The following TTLL5 variants were observed in gnomAD, a reference collection of about 807,000 sequenced individuals.
TTLL5 encodes tubulin polyglutamylase TTLL5.
Under a neutral mutation model 168.4 loss-of-function variants are expected in TTLL5, and 132 were observed. The observed-to-expected ratio is 0.78, with a 90% CI of 0.68 to 0.91. TTLL5 has a LOEUF of 0.91. TTLL5 is among the 40% of genes least tolerant of loss of function. TTLL5 has a pLI of 0.00. For missense variants in TTLL5, 1,545 were observed against 1,581.5 expected (o/e 0.98, Z 0.39); for synonymous variants, 546 against 558.6 (o/e 0.98, Z 0.32).
chr14:75,919,161 A>G (rs2033727472), intron 31 of TTLL5, among the ~76,000 whole-genome samples: 1 of 130,598 alleles, frequency 7.7e-6, no homozygotes, highest in Admixed American at 9.6e-5. Context: ...AGATCACGCC[A>G]CTGCACTCCA....
At chr14:75,792,008 A>C (rs1318467752) in intron 26 of TTLL5, among the ~76,000 whole-genome samples, 4 of 151,960 alleles carry the variant, frequency 2.6e-5, no homozygotes, top group Non-Finnish European at 5.9e-5. Flanking sequence ...TCCTGGGCTT[A>C]AGCAATCCTC....
intron 31 of TTLL5, among the ~76,000 whole-genome samples, chr14:75,928,342 C>CATATATGTATATATATATATATAT (rs2034146879): frequency 2.4e-5 from 2 of 81,970 alleles, no homozygotes; most frequent in East Asian, 8.2e-4. Flanking sequence ...ATGACAAAAA[C>CATATATGTATATATATATATATAT]ATATATATAT....
chr14:75,661,336 C>G lies in TTLL5; in HGVS notation c.-147C>G, dbSNP rs1044178090. ...CCTGGGGAAGGAGGAGGGAGGTAGG[C>G]GCAGAGCGCGGTCCACGCCTGCTCG... On this transcript the variant is annotated 5_prime_UTR_variant, in exon 1 of 32. Transcript: ENST00000298832. 2.0e-5 allele frequency: 3 copies of G among 152,238 alleles called. No individual in the cohort carries two copies. Among genetic ancestry groups the G allele is most frequent in the Non-Finnish European group, 4.4e-5 (3 of 68,076 alleles). The allele number at this position is 152,238 out of a possible 1,614,324, so 9.4% of individuals were successfully genotyped here.
At chr14:75,850,133 A>T (rs1301055873) in intron 28 of TTLL5, among the ~76,000 whole-genome samples, 1 of 151,842 alleles carries the variant, frequency 6.6e-6, no homozygotes, top group Non-Finnish European at 1.5e-5. Context: ...GGGGCCGGGC[A>T]CGGTGGCTCA....
chr14:75,743,189 A>G lies in TTLL5; in HGVS notation c.1282-1906A>G, dbSNP rs187443106. Among the ~76,000 whole-genome samples the G allele has an allele frequency of 2.0e-5, 3 of 152,228 alleles. No individual in the cohort carries two copies. The East Asian group carries it at 5.8e-4, about 29-fold the overall frequency. ...ATCTGTTGATTTCATCGTTTTCTTG[A>G]TATAGATATCCATCATGGAGTTGCC... On this transcript the variant is annotated intron_variant, in intron 15 of 31. Coordinates refer to ENST00000298832, the MANE Select transcript of TTLL5 (RefSeq NM_015072.5).
At chr14:75,919,197 C>CAAAAAAAAAAAAAAAA (rs10655974) in intron 31 of TTLL5, among the ~76,000 whole-genome samples, 1 of 56,104 alleles carries the variant, frequency 1.8e-5, no homozygotes, top group Non-Finnish European at 3.1e-5. Context: ...AAGACCGTCT[C>CAAAAAAAAAAAAAAAA]AAAAAAAAAA....
chr14:75,757,029 G>A (rs1192800304), intron 18 of TTLL5, among the ~76,000 whole-genome samples: 3 of 151,902 alleles, frequency 2.0e-5, no homozygotes, highest in East Asian at 1.9e-4. Context: ...CCAGAGTGGA[G>A]TGCAGTGGCA....
At chr14:75,773,927 T>TATATAG (rs1354936334) in intron 21 of TTLL5, among the ~76,000 whole-genome samples, 223 of 21,056 alleles carry the variant, frequency 0.011, 3 homozygotes, top group Non-Finnish European at 0.012. Flanking sequence ...TATATATATA[T>TATATAG]AGAGAGAGAG....
intron 28 of TTLL5, among the ~76,000 whole-genome samples, chr14:75,858,264 G>A (rs975719189): frequency 5.3e-5 from 8 of 152,178 alleles, no homozygotes; most frequent in African/African-American, 9.7e-5. Flanking sequence ...AAAACTGCTC[G>A]TGCCTTAGCA....
At chr14:75,935,321 G>A (rs1227828136) in intron 31 of TTLL5, among the ~76,000 whole-genome samples, 1 of 152,214 alleles carries the variant, frequency 6.6e-6, no homozygotes, top group Admixed American at 6.5e-5. Context: ...TTGCCTTTCA[G>A]AGAGCTCTAA....
chr14:75,939,897 A>G (rs2034545954), intron 31 of TTLL5, among the ~76,000 whole-genome samples: 1 of 152,096 alleles, frequency 6.6e-6, no homozygotes, highest in African/African-American at 2.4e-5. Flanking sequence ...ACTCAAAGCT[A>G]TATAAAAATC....
intron 31 of TTLL5, among the ~76,000 whole-genome samples, chr14:75,914,031 A>ATAT (rs1375194323): frequency 1.3e-5 from 1 of 77,296 alleles, no homozygotes; most frequent in East Asian, 3.6e-4. Context: ...AAAAAAAAAA[A>ATAT]AAATATATAT....
Position 75,783,207 on chromosome 14 carries a change from C to A in TTLL5, c.2663C>A (p.Pro888His). The A allele has an allele frequency of 6.2e-7, 1 of 1,614,072 alleles. No individual in the cohort carries two copies. The highest frequency in any genetic ancestry group is 8.5e-7 in the Non-Finnish European group (1 of 1,180,020). ...KLVYSNSSSG[P>H]TATLQKIPNT... ...GTTTATAGCAATTCCTCCTCTGGTC[C>A]TACTGCTACTCTGCAGAAAATTCCC... is the stretch of plus-strand genomic sequence containing the variant. Residue 888 changes from proline (P) to histidine (H), a missense_variant, in exon 26 of 32, where the codon CCT becomes CAT. By Grantham distance (77) the Pro-to-His change is moderately conservative. Coordinates refer to ENST00000298832, the MANE Select transcript of TTLL5 (RefSeq NM_015072.5).
chr14:75,830,387 A>G (rs1181724919), intron 28 of TTLL5, among the ~76,000 whole-genome samples: 2 of 152,198 alleles, frequency 1.3e-5, no homozygotes, highest in Non-Finnish European at 2.9e-5. Context: ...GGTGACTATA[A>G]TTAATAACAA....
chr14:75,908,392 C>T (rs994808607), intron 31 of TTLL5, among the ~76,000 whole-genome samples: 4 of 152,098 alleles, frequency 2.6e-5, no homozygotes, highest in African/African-American at 9.7e-5. Context: ...TCAGCCCTCA[C>T]CTGAAGCATG....
chr14:75,696,099 A>G (rs1481665081), intron 6 of TTLL5, among the ~76,000 whole-genome samples: 1 of 151,938 alleles, frequency 6.6e-6, no homozygotes, highest in East Asian at 1.9e-4. Context: ...TAGGTTGGCC[A>G]GCCTGGTCTT....
intron 18 of TTLL5, chr14:75,757,967 G>C (rs997318992): frequency 8.2e-7 from 1 of 1,220,240 alleles, no homozygotes; most frequent in Middle Eastern, 2.1e-4. Context: ...TTTTTAGTTT[G>C]GTTCAGCTTG....
At chr14:75,762,145 C>T (rs1250375105) in intron 18 of TTLL5, among the ~76,000 whole-genome samples, 1 of 151,990 alleles carries the variant, frequency 6.6e-6, no homozygotes, top group Non-Finnish European at 1.5e-5. Context: ...CCTGTAATCC[C>T]AGCACTTTGG....
intron 27 of TTLL5, among the ~76,000 whole-genome samples, chr14:75,809,139 AT>A (rs1265209905): frequency 6.6e-6 from 1 of 152,184 alleles, no homozygotes; most frequent in African/African-American, 2.4e-5. Flanking sequence ...CTCTTGGAGA[AT>A]CTAATTAAAG....
Sources: allele counts gnomAD v4.1 joint callset (sites outside exome capture counted in the v4.1 genomes callset), GRCh38; gene constraint gnomAD v4.1.1; transcripts MANE v1.5; gene names NCBI Gene and HGNC (gene_info 2026-07-23, HGNC 2026-07-21).